Variants in OR10J1 observed in about 807,000 individuals in gnomAD.
OR10J1 encodes olfactory receptor 10J1.
For synonymous variants in OR10J1, 202 were observed against 143.8 expected (o/e 1.40, Z -2.89); for missense variants, 474 against 376.6 (o/e 1.26, Z -2.14).
chr1:159,416,449 CT>C, the OR10J1 span, among the ~76,000 whole-genome samples: 14,567 of 138,894 alleles, frequency 0.1, 2,149 homozygotes, highest in African/African-American at 0.34. Context: ...TGTTTTTGTC[CT>C]TTTTTTTTTT....
the OR10J1 span, among the ~76,000 whole-genome samples, chr1:159,403,055 A>G: frequency 5.3e-5 from 8 of 152,122 alleles, no homozygotes; most frequent in Non-Finnish European, 1.2e-4. Flanking sequence ...CTGGGTATAC[A>G]TATGCACAAG....
chr1:159,413,637 A>G, the OR10J1 span, among the ~76,000 whole-genome samples: 2 of 150,386 alleles, frequency 1.3e-5, no homozygotes, highest in African/African-American at 4.9e-5. Context: ...GGAATTGAAC[A>G]ATGAGAACAC....
the OR10J1 span, among the ~76,000 whole-genome samples, chr1:159,413,884 AT>A: frequency 4.6e-5 from 7 of 151,254 alleles, no homozygotes; most frequent in Non-Finnish European, 1.0e-4. Flanking sequence ...AAATAAAAAA[AT>A]ATATTGCTTG....
At position 159,439,923 on chromosome 1, in the gene OR10J1, C is replaced by T; in HGVS notation, c.132C>T (p.Ile44=). Residue 44 remains isoleucine, a synonymous_variant, in exon 1 of 1, where the codon ATC becomes ATT. Coordinates refer to ENST00000423932, the MANE Select transcript of OR10J1 (RefSeq NM_012351.3). ...LYILTLAGNI[I]IVTIIRMDLH... ...TCTTAACCTTAGCAGGCAATATCATCATTGTGACCATCATCCGAATGGATC... is the reference window on the plus strand; with the variant it reads ...TCTTAACCTTAGCAGGCAATATCATTATTGTGACCATCATCCGAATGGATC... 2 of 1,614,126 alleles carry T rather than the reference C, an allele frequency of 1.2e-6. No individual in the cohort carries two copies. Among genetic ancestry groups the T allele is most frequent in the Non-Finnish European group, 1.7e-6 (2 of 1,180,000 alleles).
the OR10J1 span, among the ~76,000 whole-genome samples, chr1:159,411,597 C>A: frequency 6.6e-6 from 1 of 152,086 alleles, no homozygotes; most frequent in Non-Finnish European, 1.5e-5. Flanking sequence ...TGTGTCTCTG[C>A]ACATGAGATG....
chr1:159,397,522 C>T, the OR10J1 span, among the ~76,000 whole-genome samples: 2 of 152,008 alleles, frequency 1.3e-5, no homozygotes, highest in African/African-American at 4.8e-5. Flanking sequence ...GAGCCCACTA[C>T]CCTGAAGGGT....
Position 159,440,889 on chromosome 1 carries a change from G to A in OR10J1, c.*168G>A. The stretch of plus-strand genomic sequence containing the variant: ...GTCTGAAGCTTTAAATAAAGTTACT[G>A]GATGGAGTGTTATCCCTATTTTTGG... On this transcript the variant is annotated 3_prime_UTR_variant, in exon 1 of 1. Coordinates refer to ENST00000423932, the MANE Select transcript of OR10J1 (RefSeq NM_012351.3). The A allele has an allele frequency of 1.5e-6, 1 of 650,998 alleles. No homozygotes were observed. Among genetic ancestry groups the A allele is most frequent in the Non-Finnish European group, 2.5e-6 (1 of 399,892 alleles). The allele number at this position is 650,998 out of a possible 1,614,324, so 40.3% of individuals were successfully genotyped here. A position where few individuals can be genotyped will look rare whatever the true frequency, so the allele number is the denominator to read the frequency against.
At chr1:159,431,866 G>T in the OR10J1 span, among the ~76,000 whole-genome samples, 16,457 of 152,124 alleles carry the variant, frequency 0.11, 1,140 homozygotes, top group East Asian at 0.23. Context: ...GTTCAGTCAG[G>T]TGTATTAAAT....
the OR10J1 span, among the ~76,000 whole-genome samples, chr1:159,408,459 C>A: frequency 1.3e-5 from 1 of 77,456 alleles, no homozygotes; most frequent in African/African-American, 5.2e-5. Flanking sequence ...ACTCTGGGGA[C>A]TGTTGGGGGA....
the OR10J1 span, among the ~76,000 whole-genome samples, chr1:159,413,119 C>T: frequency 6.6e-6 from 1 of 152,136 alleles, no homozygotes; most frequent in African/African-American, 2.4e-5. Flanking sequence ...CAGAGAAATG[C>T]AAATCAAAAC....
chr1:159,398,464 G>A, the OR10J1 span, among the ~76,000 whole-genome samples: 2 of 152,116 alleles, frequency 1.3e-5, no homozygotes, highest in Admixed American at 6.6e-5. Flanking sequence ...TTCAGAAAGG[G>A]AATTCAAAAT....
the OR10J1 span, among the ~76,000 whole-genome samples, chr1:159,404,484 A>T: frequency 6.6e-6 from 1 of 152,146 alleles, no homozygotes; most frequent in East Asian, 1.9e-4. Flanking sequence ...CAGGAGTATC[A>T]TTTACAGCTC....
At chr1:159,407,908 A>G in the OR10J1 span, among the ~76,000 whole-genome samples, 11 of 152,236 alleles carry the variant, frequency 7.2e-5, no homozygotes, top group Admixed American at 5.9e-4. Context: ...TCACAACATC[A>G]ATAGAAAAGA....
At chr1:159,420,562 C>T in the OR10J1 span, among the ~76,000 whole-genome samples, 1 of 152,078 alleles carries the variant, frequency 6.6e-6, no homozygotes, top group Non-Finnish European at 1.5e-5. Context: ...ATAGGACTCC[C>T]ATAGGACTCC....
the OR10J1 span, among the ~76,000 whole-genome samples, chr1:159,415,192 C>T: frequency 6.6e-6 from 1 of 151,950 alleles, no homozygotes; most frequent in Non-Finnish European, 1.5e-5. Context: ...CTAGTTATTT[C>T]ATAGTTTTGG....
the OR10J1 span, among the ~76,000 whole-genome samples, chr1:159,422,449 T>A: frequency 2.0e-5 from 3 of 152,134 alleles, no homozygotes; most frequent in Non-Finnish European, 2.9e-5. Context: ...AGCTGTGGAA[T>A]TTTTCCTTGG....
At chr1:159,430,670 C>CGT in the OR10J1 span, among the ~76,000 whole-genome samples, 2 of 18,548 alleles carry the variant, frequency 1.1e-4, no homozygotes, top group Non-Finnish European at 6.9e-4. Context: ...TGTGTGTGTG[C>CGT]GCGCGCGCAC....
the OR10J1 span, among the ~76,000 whole-genome samples, chr1:159,416,461 T>G: frequency 6.6e-6 from 1 of 150,800 alleles, no homozygotes; most frequent in Admixed American, 6.6e-5. Context: ...TTTTTTTTTT[T>G]GATGTGCTGT....
chr1:159,429,634 T>A, the OR10J1 span, among the ~76,000 whole-genome samples: 2 of 152,210 alleles, frequency 1.3e-5, no homozygotes, highest in African/African-American at 2.4e-5. Flanking sequence ...GTGTTTGGAT[T>A]GTGCTATTGC....
Sources: gnomAD v4.1 joint callset for allele counts (sites outside exome capture counted in the v4.1 genomes callset) on GRCh38, gnomAD v4.1.1 for gene constraint, MANE v1.5 for transcripts, NCBI Gene and HGNC (gene_info 2026-07-23, HGNC 2026-07-21) for gene names.